Variants in ITGB1BP1 observed in about 807,000 individuals in gnomAD.
ITGB1BP1 encodes integrin subunit beta 1 binding protein 1.
ITGB1BP1 carries 20 observed loss-of-function variants against 28.0 expected under a neutral mutation model. The observed-to-expected ratio is 0.71, with a 90% CI of 0.50 to 1.04. The LOEUF (loss-of-function observed/expected upper bound fraction) is 1.04. Among genes scored for constraint, ITGB1BP1 ranks in the 50% least tolerant of loss-of-function variants. The pLI is 0.00. For synonymous variants in ITGB1BP1, 103 were observed against 89.5 expected (o/e 1.15, Z -0.85); for missense variants, 228 against 242.5 (o/e 0.94, Z 0.40).
At chr2:9,420,049 A>T (rs1347421751) in intron 1 of ITGB1BP1, 7 of 984,614 alleles carry the variant, frequency 7.1e-6, no homozygotes, top group Non-Finnish European at 8.4e-6. Flanking sequence ...GTCTGCACAG[A>T]GAGTTTCCTT....
intron 5 of ITGB1BP1, 132 bp from the exon 6 acceptor site, chr2:9,407,730 G>T: frequency 1.0e-6 from 1 of 961,634 alleles, no homozygotes; most frequent in Non-Finnish European, 1.5e-6. Context: ...GGGATGTCCT[G>T]TATGCTCAGT....
Position 9,405,449 on chromosome 2 carries a change from A to AG in ITGB1BP1, c.*1384dup, listed in dbSNP as rs1677140851. On this transcript the variant is annotated 3_prime_UTR_variant, in exon 7 of 7. Transcript: ENST00000355346. ...CTAAGAGTAACTGTGTGATCTGTTA[A>AG]GGGGTGGATAACATAATATGCAGCT... 1 of 152,624 alleles carries AG rather than the reference A, an allele frequency of 6.6e-6. No individual in the cohort carries two copies. The highest frequency in any genetic ancestry group is 2.1e-4 in the South Asian group (1 of 4,828). 9.5% of individuals were successfully genotyped at this position (152,624 alleles called of 1,614,324 possible). A position where few individuals can be genotyped will look rare whatever the true frequency, so the allele number is the denominator to read the frequency against.
At chr2:9,413,035 C>A (rs998838209) in intron 3 of ITGB1BP1, among the ~76,000 whole-genome samples, 2 of 152,208 alleles carry the variant, frequency 1.3e-5, no homozygotes, top group Admixed American at 6.5e-5. Flanking sequence ...GTGTGTGCCG[C>A]AACATCCAGC....
At chr2:9,420,134 G>T in intron 1 of ITGB1BP1, 1 of 700,346 alleles carries the variant, frequency 1.4e-6, no homozygotes, top group Non-Finnish European at 1.8e-6. Flanking sequence ...AACTCACGCA[G>T]CAGTCAGTGA....
intron 5 of ITGB1BP1, 116 bp from the exon 6 acceptor site, chr2:9,407,714 C>T (rs1374599567): frequency 8.8e-7 from 1 of 1,142,094 alleles, no homozygotes; most frequent in Non-Finnish European, 1.2e-6. Context: ...AGGTTTCTCA[C>T]CCCAAGGGAT....
chr2:9,420,641 G>A (rs1679707743), intron 1 of ITGB1BP1, among the ~76,000 whole-genome samples: 2 of 152,296 alleles, frequency 1.3e-5, no homozygotes, highest in Admixed American at 6.5e-5. Flanking sequence ...AGAGGGGCCC[G>A]AGGGAACAGT....
intron 2 of ITGB1BP1, among the ~76,000 whole-genome samples, chr2:9,417,386 G>A (rs377705368): frequency 3.1e-4 from 47 of 151,552 alleles, no homozygotes; most frequent in Admixed American, 7.2e-4. Flanking sequence ...GCCTTTTCTC[G>A]GGAGGAGGGG....
At position 9,406,484 on chromosome 2, in the gene ITGB1BP1, A is replaced by C. The variant is rs1387803415; in HGVS notation, c.*350T>G. On this transcript the variant is annotated 3_prime_UTR_variant, in exon 7 of 7. Transcript: ENST00000355346. ...CTCAGGCCTTCAGTGTGTGTTTGTC[A>C]CTGAGTGGACCTCTGTGACATCTCG... The C allele has an allele frequency of 8.4e-6, 1 of 119,640 alleles. No individual in the cohort carries two copies. Among genetic ancestry groups the C allele is most frequent in the Non-Finnish European group, 1.7e-5 (1 of 59,360 alleles). 7.4% of individuals were successfully genotyped at this position (119,640 alleles called of 1,614,324 possible).
chr2:9,407,939 AAAGG>A (rs1380393315), intron 5 of ITGB1BP1, 170 bp downstream of exon 5: 3 of 590,568 alleles, frequency 5.1e-6, no homozygotes, highest in Non-Finnish European at 9.1e-6. Flanking sequence ...ACAGGAGAGA[AAAGG>A]AAGCCCCTAT....
rs774507175 is a variant in ITGB1BP1 at position 9,412,366 on chromosome 2, C to T, written c.191G>A (p.Arg64Gln). ...NNNSDTCAEFRIKYVGAIEKL... is the reference protein window; with the variant it reads ...NNNSDTCAEFQIKYVGAIEKL... ...CTCAATGGCACCAACATATTTTATTCGAAATTCTGCACAGGTATCTGAATT... is the reference window on the plus strand; with the variant it reads ...CTCAATGGCACCAACATATTTTATTTGAAATTCTGCACAGGTATCTGAATT... The change falls in exon 4 of 7, where the codon CGA becomes CAA. Residue 64 changes from arginine to glutamine, a missense_variant. This residue lies in a region of ITGB1BP1 where 192 missense variants were observed against 181.6 expected (regional missense o/e 1.06). Transcript: ENST00000355346. 1.5e-4 allele frequency: 244 copies of T among 1,611,654 alleles called. No homozygotes were observed. Among genetic ancestry groups the T allele is most frequent in the Non-Finnish European group, 2.0e-4 (233 of 1,179,168 alleles).
intron 6 of ITGB1BP1, 79 bp downstream of exon 6, chr2:9,407,370 T>G: frequency 1.4e-6 from 2 of 1,480,740 alleles, no homozygotes; most frequent in South Asian, 1.2e-5. Context: ...GGATTGTATT[T>G]CTTCAGCCTT....
intron 3 of ITGB1BP1, 117 bp from the exon 4 acceptor site, chr2:9,412,522 AT>A: frequency 1.3e-6 from 1 of 782,246 alleles, no homozygotes; most frequent in Non-Finnish European, 2.0e-6. Context: ...CTAATTACAA[AT>A]TTTATAATAC....
At chr2:9,407,894 G>A (rs1036130806) in intron 5 of ITGB1BP1, 49 of 544,482 alleles carry the variant, frequency 9.0e-5, no homozygotes, top group African/African-American at 8.8e-4. Context: ...GTGTGTTTGG[G>A]GGTGGGGGGG....
intron 3 of ITGB1BP1, among the ~76,000 whole-genome samples, chr2:9,413,232 G>A (rs1678683399): frequency 6.6e-6 from 1 of 152,222 alleles, no homozygotes; most frequent in African/African-American, 2.4e-5. Flanking sequence ...ACAGGTTCCT[G>A]AAGGGAGAAA....
Position 9,412,254 on chromosome 2 carries a change from A to ATTTT in ITGB1BP1, c.288+11_288+14dup. On this transcript the variant is annotated intron_variant, in intron 4 of 6. Transcript: ENST00000355346. ...ACTCTCATAACCAGAGAGTTACGGA[A>ATTTT]TTTTTTTTTTTTACCTGGGCAACGT... is the stretch of plus-strand genomic sequence containing the variant. 2.2e-6 allele frequency: 3 copies of ATTTT among 1,395,038 alleles called. No individual in the cohort carries two copies. Among genetic ancestry groups the ATTTT allele is most frequent in the South Asian group, 2.5e-5 (2 of 79,948 alleles). The allele number at this position is 1,395,038 out of a possible 1,614,324, so 86.4% of individuals were successfully genotyped here.
rs1262901826 is a variant in ITGB1BP1, at chr2:9,405,739, A to G, written c.*1095T>C. The stretch of plus-strand genomic sequence containing the variant: ...TTTTGTATATTGACAGTCCTTTAAA[A>G]AAAGTACACTATCATACTGTACATG... On this transcript the variant is annotated 3_prime_UTR_variant, in exon 7 of 7. Coordinates refer to ENST00000355346, the MANE Select transcript of ITGB1BP1 (RefSeq NM_004763.5). The G allele has an allele frequency of 3.9e-5, 6 of 152,228 alleles. No individual in the cohort carries two copies. The highest frequency in any genetic ancestry group is 2.0e-4 in the Admixed American group (3 of 15,286). 9.4% of individuals were successfully genotyped at this position (152,228 alleles called of 1,614,324 possible).
chr2:9,423,490 C>A lies in ITGB1BP1; in HGVS notation c.-153G>T. 1 of 1,200,162 alleles carries A rather than the reference C, an allele frequency of 8.3e-7. No individual in the cohort carries two copies. The highest frequency in any genetic ancestry group is 1.1e-6 in the Non-Finnish European group (1 of 949,926). 74.3% of individuals were successfully genotyped at this position (1,200,162 alleles called of 1,614,324 possible). A position where few individuals can be genotyped will look rare whatever the true frequency, so the allele number is the denominator to read the frequency against. On this transcript the variant is annotated 5_prime_UTR_variant, in exon 1 of 7. The change creates a new upstream start codon in the 5' untranslated region. Transcript: ENST00000355346. ...CGCTCCAGCGCCGGCTTTTCCAGCCCTCCTGCCCACGTCCGCCGGGCCGCG... is the reference window on the plus strand; with the variant it reads ...CGCTCCAGCGCCGGCTTTTCCAGCCATCCTGCCCACGTCCGCCGGGCCGCG...
At chr2:9,423,535 G>T, upstream of ITGB1BP1, 1 of 1,169,886 alleles carries the variant, frequency 8.5e-7, no homozygotes, top group Non-Finnish European at 1.1e-6. Flanking sequence ...CTATGCGCAG[G>T]CGCAGTCCTG....
chr2:9,423,403 G>A lies in ITGB1BP1; in HGVS notation c.-66C>T. 1 of 1,141,566 alleles carries A rather than the reference G, an allele frequency of 8.8e-7. No individual in the cohort carries two copies. Among genetic ancestry groups the A allele is most frequent in the South Asian group, 1.7e-5 (1 of 58,192 alleles). The allele number at this position is 1,141,566 out of a possible 1,614,324, so 70.7% of individuals were successfully genotyped here. A position where few individuals can be genotyped will look rare whatever the true frequency, so the allele number is the denominator to read the frequency against. On this transcript the variant is annotated 5_prime_UTR_variant, in exon 1 of 7. Coordinates refer to ENST00000355346, the MANE Select transcript of ITGB1BP1 (RefSeq NM_004763.5). ...AGCCGCGGGCCCATCCCCGGGTTGC[G>A]GACTTCGGGGTCCGCGTGGGAGTGC... is the stretch of plus-strand genomic sequence containing the variant.
Sources: allele counts gnomAD v4.1 joint callset (sites outside exome capture counted in the v4.1 genomes callset), GRCh38; gene constraint gnomAD v4.1.1; regional missense constraint gnomAD v4.1.1; transcripts MANE v1.5; gene names NCBI Gene and HGNC (gene_info 2026-07-23, HGNC 2026-07-21).